ATP10B: variants seen among roughly 807,000 people sequenced by gnomAD.
The protein encoded by ATP10B is phospholipid-transporting ATPase VB.
A neutral mutation model predicts 141.2 loss-of-function variants in ATP10B; 122 were observed. That is an observed-to-expected ratio of 0.86 (90% CI 0.75 to 1.00). ATP10B has a LOEUF of 1.00. Ranked by LOEUF, ATP10B falls within the 50% of genes least tolerant of loss-of-function variation. The probability of loss-of-function intolerance (pLI) is 0.00; values close to 1 mark genes in which losing one functional copy is unlikely to be tolerated. For synonymous variants in ATP10B, 685 were observed against 692.0 expected (o/e 0.99, Z 0.16); for missense variants, 1,876 against 1,825.3 (o/e 1.03, Z -0.51).
At chr5:160,689,559 A>G (rs1763952064) in intron 3 of ATP10B, among the ~76,000 whole-genome samples, 1 of 152,144 alleles carries the variant, frequency 6.6e-6, no homozygotes, top group Non-Finnish European at 1.5e-5. Flanking sequence ...TGCAAAAATC[A>G]CAAGCATTCC....
Position 160,565,874 on chromosome 5 carries a change from G to A in ATP10B, c.3965C>T (p.Thr1322Ile). The change falls in exon 26 of 26, where the codon ACT (threonine) becomes ATT (isoleucine). Residue 1322 changes from threonine (T) to isoleucine (I), a missense_variant. Transcript: ENST00000327245. ...TTTTGAGATTAGAGACTTCCCACAA[G>A]TTCCTTGCAGAGACAGGAAAAAGTA... ...PRYFFLSLQG[T>I]CGKSLISKAQ... 1.2e-6 allele frequency: 2 copies of A among 1,611,782 alleles called. No homozygotes were observed. Among genetic ancestry groups the A allele is most frequent in the Non-Finnish European group, 1.7e-6 (2 of 1,179,376 alleles).
intron 1 of ATP10B, among the ~76,000 whole-genome samples, chr5:160,844,091 C>T (rs568807398): frequency 6.6e-6 from 1 of 152,138 alleles, no homozygotes; most frequent in South Asian, 2.1e-4. Flanking sequence ...CTGATACTCT[C>T]CAACAACCAT....
the ATP10B span, among the ~76,000 whole-genome samples, chr5:160,861,535 T>A: frequency 1.3e-5 from 2 of 151,972 alleles, no homozygotes; most frequent in African/African-American, 2.4e-5. Context: ...CTTGTAATTT[T>A]TTGTTCAAAT....
At chr5:160,616,744 GA>G (rs1339289033) in intron 16 of ATP10B, among the ~76,000 whole-genome samples, 4 of 152,182 alleles carry the variant, frequency 2.6e-5, no homozygotes, top group African/African-American at 9.7e-5. Context: ...GCACTATAGA[GA>G]AAACGAAAGG....
At chr5:160,786,632 A>T (rs10866720) in intron 1 of ATP10B, among the ~76,000 whole-genome samples, 15,280 of 152,058 alleles carry the variant, frequency 0.1, 865 homozygotes, top group Middle Eastern at 0.13. Context: ...GAGTTGACAC[A>T]CTCATTGCTA....
rs140614844 is a variant in ATP10B, at chr5:160,818,822, A to C, written c.-575-33019T>G. ...CACCATGGAATACTATGCAGCCATA[A>C]AAAATGATGAGTTCATGTCCTTGGT... On this transcript the variant is annotated intron_variant, in intron 1 of 25. Coordinates refer to ENST00000327245, the MANE Select transcript of ATP10B (RefSeq NM_025153.3). Among the ~76,000 whole-genome samples, 517 of 152,206 alleles carry C rather than the reference A, an allele frequency of 3.4e-3. 8 individuals are homozygous for C. The highest frequency in any genetic ancestry group is 0.012 in the African/African-American group (483 of 41,446).
chr5:160,830,764 A>T (rs1459992543), intron 1 of ATP10B, among the ~76,000 whole-genome samples: 1 of 152,096 alleles, frequency 6.6e-6, no homozygotes, highest in Non-Finnish European at 1.5e-5. Context: ...AGTAGAAATG[A>T]AGACAGCAAA....
intron 24 of ATP10B, among the ~76,000 whole-genome samples, chr5:160,588,395 G>T (rs1017001495): frequency 1.3e-5 from 2 of 152,216 alleles, no homozygotes; most frequent in Non-Finnish European, 2.9e-5. Flanking sequence ...TGATAGTGGT[G>T]GTGGGAGGCT....
chr5:160,620,240 C>T, intron 15 of ATP10B, 107 bp downstream of exon 15: 2 of 1,424,908 alleles, frequency 1.4e-6, no homozygotes, highest in Middle Eastern at 2.4e-4. Flanking sequence ...CAGTTGGGAC[C>T]TGCCATACCA....
At chr5:160,892,361 C>A in the ATP10B span, among the ~76,000 whole-genome samples, 17 of 152,316 alleles carry the variant, frequency 1.1e-4, no homozygotes, top group Admixed American at 6.5e-5. Flanking sequence ...AGCTGATGAA[C>A]GGCCTTGAAC....
chr5:160,857,480 G>T, the ATP10B span, among the ~76,000 whole-genome samples: 112,207 of 151,628 alleles, frequency 0.74, 42,942 homozygotes, highest in East Asian at 0.98. Context: ...AAAAGAACCA[G>T]CTCTTTGCTT....
chr5:160,774,826 G>A (rs1770170835), intron 2 of ATP10B, among the ~76,000 whole-genome samples: 1 of 152,150 alleles, frequency 6.6e-6, no homozygotes, highest in Admixed American at 6.5e-5. Flanking sequence ...TTTCTGCAGG[G>A]GGCCTCTCTT....
At chr5:160,813,287 A>G (rs527532355) in intron 1 of ATP10B, among the ~76,000 whole-genome samples, 1 of 152,350 alleles carries the variant, frequency 6.6e-6, no homozygotes, top group East Asian at 1.9e-4. Context: ...TCCCAACCTA[A>G]TACTGCGCTT....
chr5:160,620,025 G>A (rs1016329996), intron 15 of ATP10B, among the ~76,000 whole-genome samples: 2 of 152,196 alleles, frequency 1.3e-5, no homozygotes, highest in Non-Finnish European at 2.9e-5. Flanking sequence ...GTAAGATAAT[G>A]GATGTTCTAG....
intron 1 of ATP10B, among the ~76,000 whole-genome samples, chr5:160,844,888 C>T (rs1015680596): frequency 6.6e-6 from 1 of 152,064 alleles, no homozygotes; most frequent in African/African-American, 2.4e-5. Context: ...TAAAAATACA[C>T]ATAAATTGAA....
chr5:160,663,630 G>A (rs1181808123), intron 7 of ATP10B, among the ~76,000 whole-genome samples: 1 of 152,032 alleles, frequency 6.6e-6, no homozygotes, highest in African/African-American at 2.4e-5. Flanking sequence ...CACACACTGG[G>A]GCCTGTTGTG....
At chr5:160,719,278 T>C (rs992891197) in intron 2 of ATP10B, among the ~76,000 whole-genome samples, 3 of 152,098 alleles carry the variant, frequency 2.0e-5, no homozygotes, top group African/African-American at 4.8e-5. Flanking sequence ...TGGGCGCCTG[T>C]AGTCCCAGCT....
At chr5:160,733,424 G>A (rs1766873669) in intron 2 of ATP10B, among the ~76,000 whole-genome samples, 2 of 151,904 alleles carry the variant, frequency 1.3e-5, no homozygotes, top group African/African-American at 2.4e-5. Flanking sequence ...TCCCAAATTT[G>A]ACAAAAGATA....
At position 160,801,966 on chromosome 5, in the gene ATP10B, C is replaced by T. The variant is rs114246769; in HGVS notation, c.-575-16163G>A. On this transcript the variant is annotated intron_variant, in intron 1 of 25. Transcript: ENST00000327245. ...GAAGATCTTCCCAAGAAATATTTAT[C>T]GGATGCAGGCAGCAAACATGATGGT... Among the ~76,000 whole-genome samples the T allele has an allele frequency of 9.3e-3, 1,416 of 152,226 alleles. 22 individuals carry two copies. The highest frequency in any genetic ancestry group is 0.032 in the African/African-American group (1,349 of 41,526).
Sources: gnomAD v4.1 joint callset for allele counts (sites outside exome capture counted in the v4.1 genomes callset) on GRCh38, gnomAD v4.1.1 for gene constraint, MANE v1.5 for transcripts, NCBI Gene and HGNC (gene_info 2026-07-23, HGNC 2026-07-21) for gene names.